The following DLG3 variants were observed in gnomAD, a reference collection of about 807,000 sequenced individuals.
DLG3 encodes disks large homolog 3.
In DLG3, 1 loss-of-function variant was observed where a neutral mutation model predicts 64.1. That is an observed-to-expected ratio of 0.02 (90% CI 0.01 to 0.07). DLG3 has a LOEUF of 0.07. Among genes scored for constraint, DLG3 ranks in the 10% least tolerant of loss-of-function variants. The probability of loss-of-function intolerance (pLI) is 1.00; values close to 1 mark genes in which losing one functional copy is unlikely to be tolerated. For missense variants in DLG3, 429 were observed against 669.5 expected, an observed-to-expected ratio of 0.64 and a Z score of 3.96; for synonymous variants, 245 against 259.8, an observed-to-expected ratio of 0.94 and a Z score of 0.55.
intron 7 of DLG3, chrX:70,452,552 C>T (rs1490365620): frequency 8.6e-7 from 1 of 1,164,424 alleles, no homozygotes; most frequent in East Asian, 3.3e-5. Flanking sequence ...CAGGGTGGGG[C>T]CCGAGAGGCT....
chrX:70,494,846 T>C, intron 12 of DLG3, among the ~76,000 whole-genome samples: 1 of 112,757 alleles, frequency 8.9e-6, no homozygotes, highest in East Asian at 2.8e-4. Flanking sequence ...CTCTACACCA[T>C]GCGAAACTTT....
In DLG3 at chrX:70,451,973, C is replaced by A; in HGVS notation, c.1092C>A (p.Pro364=). 6 of 1,211,372 alleles carry A rather than the reference C, an allele frequency of 5.0e-6. No homozygotes were observed. Among genetic ancestry groups the A allele is most frequent in the Non-Finnish European group, 6.7e-6 (6 of 895,302 alleles). Reference sequence around the variant, plus strand: ...ACCCTGCTCCTCCTCAGGTTCCCCCCACCCGCTACTCTCCTATTCCCAGGC... The same window carrying A: ...ACCCTGCTCCTCCTCAGGTTCCCCCAACCCGCTACTCTCCTATTCCCAGGC... ...VSYPAPPQVP[P]TRYSPIPRHM... is the part of the protein sequence containing the mutation. Residue 364 remains proline, a synonymous_variant, in exon 7 of 19, where the codon CCC becomes CCA. Coordinates refer to ENST00000374360, the MANE Select transcript of DLG3 (RefSeq NM_021120.4).
chrX:70,472,038 T>C (rs1461040043), intron 9 of DLG3, among the ~76,000 whole-genome samples: 1 of 111,990 alleles, frequency 8.9e-6, no homozygotes, highest in Non-Finnish European at 1.9e-5. Flanking sequence ...TCTCAAGCAC[T>C]TATAATCTGG....
intron 1 of DLG3, among the ~76,000 whole-genome samples, chrX:70,447,291 C>G (rs2086578115): frequency 8.9e-6 from 1 of 111,935 alleles, no homozygotes; most frequent in African/African-American, 3.2e-5. Context: ...CACATGTGGG[C>G]ACACATGGTA....
chrX:70,475,828 A>G (rs1156829764), intron 9 of DLG3, among the ~76,000 whole-genome samples: 1 of 112,129 alleles, frequency 8.9e-6, no homozygotes, highest in Non-Finnish European at 1.9e-5. Flanking sequence ...AGACTGTGGC[A>G]TCTTTAGGGC....
At position 70,451,939 on chromosome X, in the gene DLG3, A is replaced by G; in HGVS notation, c.1058A>G (p.Lys353Arg). 8.3e-7 allele frequency: 1 copy of G among 1,210,444 alleles called. No homozygotes were observed. Among genetic ancestry groups the G allele is most frequent in the East Asian group, 3.0e-5 (1 of 33,796 alleles). Reference protein sequence around the residue: ...SLGYLGAVESKVSYPAPPQVP... With the variant: ...SLGYLGAVESRVSYPAPPQVP... ...GGTTATCTCGGGGCTGTGGAGAGCAAGGTCAGCTACCCTGCTCCTCCTCAG... is the reference window on the plus strand; with the variant it reads ...GGTTATCTCGGGGCTGTGGAGAGCAGGGTCAGCTACCCTGCTCCTCCTCAG... Residue 353 changes from lysine to arginine, a missense_variant, in exon 7 of 19, where the codon AAG becomes AGG. This residue lies in a region of DLG3 where 54 missense variants were observed against 54.4 expected (regional missense o/e 0.99). Coordinates refer to ENST00000374360, the MANE Select transcript of DLG3 (RefSeq NM_021120.4).
intron 10 of DLG3, among the ~76,000 whole-genome samples, chrX:70,486,233 A>C (rs1463678450): frequency 1.8e-5 from 2 of 112,081 alleles, no homozygotes; most frequent in African/African-American, 6.5e-5. Flanking sequence ...AGTTCCAGGA[A>C]TACCCAGGCT....
chrX:70,491,027 C>T (rs2087349376), intron 10 of DLG3, among the ~76,000 whole-genome samples: 1 of 110,570 alleles, frequency 9.0e-6, no homozygotes, highest in African/African-American at 3.3e-5. Context: ...ATTCTCCTGC[C>T]TCAGCCTCCC....
rs35913736 is a variant in DLG3, at chrX:70,495,450, C to A, written c.1816C>A (p.Leu606Met). The change falls in exon 13 of 19, where the codon CTG becomes ATG. Residue 606 changes from leucine (L) to methionine (M), a missense_variant. Physicochemically the swap from Leu to Met is conservative, Grantham distance 15. Around this residue, in one of 9 missense-constraint regions of DLG3, gnomAD observed 46 missense variants for 64.4 expected, o/e 0.71. Coordinates refer to ENST00000374360, the MANE Select transcript of DLG3 (RefSeq NM_021120.4). ...TGACGATTATTATGGAGCAAAGAAC[C>A]TGAGTAAGTCCAACTTACACACCGT... Reference protein sequence around the residue: ...LSDDYYGAKNLKGQEDAILSY... With the variant: ...LSDDYYGAKNMKGQEDAILSY... The A allele has an allele frequency of 8.3e-7, 1 of 1,208,318 alleles. No individual in the cohort carries two copies. The highest frequency in any genetic ancestry group is 3.0e-5 in the East Asian group (1 of 33,802).
intron 9 of DLG3, among the ~76,000 whole-genome samples, chrX:70,460,719 T>G (rs757133631): frequency 8.9e-6 from 1 of 111,811 alleles, no homozygotes; most frequent in South Asian, 3.7e-4. Flanking sequence ...CCTGTACGCT[T>G]TAGCTGTCAC....
chrX:70,472,520 A>G (rs1406726405), intron 9 of DLG3, among the ~76,000 whole-genome samples: 2 of 111,225 alleles, frequency 1.8e-5, no homozygotes, highest in Non-Finnish European at 3.8e-5. Context: ...ACACCACTGC[A>G]CTCCAGCCTG....
At chrX:70,455,459 C>T (rs1030951760) in intron 9 of DLG3, among the ~76,000 whole-genome samples, 74 of 110,427 alleles carry the variant, frequency 6.7e-4, no homozygotes, top group Non-Finnish European at 8.9e-4. Flanking sequence ...CTCAGCGCCC[C>T]CTCACCCTAC....
rs748689214 is a variant in DLG3, at chrX:70,446,615, G to A, written c.357+1057G>A. Among the ~76,000 whole-genome samples, 3 of 112,825 alleles carry A rather than the reference G, an allele frequency of 2.7e-5. No individual in the cohort carries two copies. The East Asian group carries it at 8.4e-4, about 32-fold the overall frequency. The stretch of plus-strand genomic sequence containing the variant: ...CCCAGCCCTGACTTGGCACAGCTTG[G>A]GAGCCCCTGGGTGCTGGGCACAACT... On this transcript the variant is annotated intron_variant, in intron 1 of 18. Transcript: ENST00000374360.
chrX:70,486,677 A>G (rs1602962884), intron 10 of DLG3, among the ~76,000 whole-genome samples: 1 of 84,798 alleles, frequency 1.2e-5, no homozygotes, highest in Non-Finnish European at 2.2e-5. Flanking sequence ...TTTCATGCTC[A>G]CTCTAATTTT....
At chrX:70,458,123 G>T (rs916774448) in intron 9 of DLG3, among the ~76,000 whole-genome samples, 2 of 110,091 alleles carry the variant, frequency 1.8e-5, no homozygotes, top group African/African-American at 6.6e-5. Context: ...CATTCTTCCT[G>T]CCTTGGCCTC....
At chrX:70,461,693 T>C (rs985633562) in intron 9 of DLG3, among the ~76,000 whole-genome samples, 2 of 109,894 alleles carry the variant, frequency 1.8e-5, no homozygotes, top group Admixed American at 1.9e-4. Flanking sequence ...CCCAAGTAGC[T>C]GGGATTACAG....
chrX:70,502,395 C>CA lies in DLG3; in HGVS notation c.*134dup, dbSNP rs1488142085. The CA allele has an allele frequency of 1.5e-4, 73 of 491,681 alleles. 1 individual carries two copies. Among genetic ancestry groups the CA allele is most frequent in the African/African-American group, 9.4e-4 (37 of 39,273 alleles). The allele number at this position is 491,681 out of a possible 1,213,427, so 40.5% of individuals were successfully genotyped here. ...TTCTTGTCCCCTTTTTTAGATATGT[C>CA]AAAAAAAATTAAGTTTTCTAGTCCT... On this transcript the variant is annotated 3_prime_UTR_variant, in exon 19 of 19. Coordinates refer to ENST00000374360, the MANE Select transcript of DLG3 (RefSeq NM_021120.4).
rs2087604617 is a variant in DLG3 at position 70,503,595 on chromosome X, T to C, written c.*1326T>C. ...GGCCAGCTGCGTCATGAGTTTGATT[T>C]GGTTTTTTTTTTTTTGCAGCTGCTT... On this transcript the variant is annotated 3_prime_UTR_variant, in exon 19 of 19. Coordinates refer to ENST00000374360, the MANE Select transcript of DLG3 (RefSeq NM_021120.4). The C allele has an allele frequency of 9.0e-6, 1 of 110,603 alleles. No individual in the cohort carries two copies. The highest frequency in any genetic ancestry group is 1.9e-5 in the Non-Finnish European group (1 of 52,735). The allele number at this position is 110,603 out of a possible 1,213,427, so 9.1% of individuals were successfully genotyped here.
rs1326517651 is a variant in DLG3, at chrX:70,452,215, C to T, written c.1145+189C>T. On this transcript the variant is annotated intron_variant, in intron 7 of 18. Transcript: ENST00000374360. The stretch of plus-strand genomic sequence containing the variant: ...ACCTAGAGAGGGACAGAAGTGGCTG[C>T]AGGGACAAGCTCTACCATCAGGGGG... 2.8e-6 allele frequency: 3 copies of T among 1,081,028 alleles called. No homozygotes were observed. The East Asian group carries it at 1.0e-4, about 36-fold the overall frequency. 89.1% of individuals were successfully genotyped at this position (1,081,028 alleles called of 1,213,427 possible).
Sources: gnomAD v4.1 joint callset for allele counts (sites outside exome capture counted in the v4.1 genomes callset) on GRCh38, gnomAD v4.1.1 for gene constraint, gnomAD v4.1.1 regional missense constraint, MANE v1.5 for transcripts, NCBI Gene and HGNC (gene_info 2026-07-23, HGNC 2026-07-21) for gene names.